The following AGBL3 variants were observed in gnomAD, a reference collection of about 807,000 sequenced individuals.
The protein encoded by AGBL3 is cytosolic carboxypeptidase 3.
AGBL3 carries 68 observed loss-of-function variants against 94.5 expected under a neutral mutation model. The ratio of observed to expected loss-of-function variants is 0.72; its 90% CI spans 0.59 to 0.88. AGBL3 has a LOEUF of 0.88. Among genes scored for constraint, AGBL3 ranks in the 40% least tolerant of loss-of-function variants. The pLI is 0.00. For missense variants in AGBL3, 934 were observed against 1,103.8 expected, an observed-to-expected ratio of 0.85 and a Z score of 2.18; for synonymous variants, 354 against 370.7, an observed-to-expected ratio of 0.95 and a Z score of 0.52.
chr7:135,082,280 A>T (rs979052313), intron 15 of AGBL3, among the ~76,000 whole-genome samples: 10 of 152,188 alleles, frequency 6.6e-5, no homozygotes, highest in Admixed American at 1.3e-4. Context: ...AAATAATTCC[A>T]ACTGACTCAT....
At chr7:135,127,602 C>T (rs1349655282) in intron 16 of AGBL3, among the ~76,000 whole-genome samples, 6 of 150,058 alleles carry the variant, frequency 4.0e-5, no homozygotes, top group Admixed American at 1.3e-4. Flanking sequence ...ATCAGAGAAA[C>T]GTAAATCAAA....
rs567473068 is a variant in AGBL3 at position 135,000,838 on chromosome 7, G to A, written c.310+7160G>A. On this transcript the variant is annotated intron_variant, in intron 4 of 16. Transcript: ENST00000436302. ...TGGTGCTCACAGGCTTTTTCCATAA[G>A]CCCCAATCTCTGGCCCATACAGGGC... 5.3e-5 allele frequency among the ~76,000 whole-genome samples: 8 copies of A among 152,204 alleles called. No homozygotes were observed. In the East Asian group the frequency reaches 1.4e-3, roughly 26 times the overall value.
At chr7:135,032,477 T>TTC (rs1173382601) in intron 5 of AGBL3, among the ~76,000 whole-genome samples, 3 of 150,576 alleles carry the variant, frequency 2.0e-5, no homozygotes, top group African/African-American at 7.3e-5. Flanking sequence ...GCTAATTTTT[T>TTC]TTTTTTTTTT....
chr7:135,076,335 C>A, intron 12 of AGBL3, 62 bp from the exon 13 acceptor site: 2 of 1,211,134 alleles, frequency 1.7e-6, no homozygotes, highest in Non-Finnish European at 2.4e-6. Flanking sequence ...AATTTCATGT[C>A]TGCATATGTA....
rs772797432 is a variant in AGBL3, at chr7:135,134,934, G to A, written c.2436G>A (p.Met812Ile). 1.4e-5 allele frequency: 21 copies of A among 1,550,970 alleles called. No homozygotes were observed. Among genetic ancestry groups the A allele is most frequent in the Middle Eastern group, 3.3e-4 (2 of 6,014 alleles). The change falls in exon 17 of 17, where the codon ATG (methionine) becomes ATA (isoleucine). Residue 812 changes from methionine to isoleucine, a missense_variant. Met to Ile is a conservative substitution (Grantham distance 10, BLOSUM62 1). Around this residue, in one of 3 missense-constraint regions of AGBL3, gnomAD observed 441 missense variants for 518.2 expected, o/e 0.85. Coordinates refer to ENST00000436302, the MANE Select transcript of AGBL3 (RefSeq NM_178563.4). The stretch of plus-strand genomic sequence containing the variant: ...CTTTTGTAATCCAAGGGGATGTTAT[G>A]GCAAACTCTTCAGAATGGGTCCAGT... Reference protein sequence around the residue: ...NHPFVIQGDVMANSSEWVQSK... With the variant: ...NHPFVIQGDVIANSSEWVQSK...
In AGBL3 at chr7:135,010,303, T is replaced by G. The variant is rs112675093; in HGVS notation, c.311-6749T>G. 9.2e-3 allele frequency: 2,372 copies of G among 259,224 alleles called. 58 individuals are homozygous for G. The highest frequency in any genetic ancestry group is 0.05 in the African/African-American group (2,113 of 42,368). 16.1% of individuals were successfully genotyped at this position (259,224 alleles called of 1,614,324 possible). On this transcript the variant is annotated intron_variant, in intron 4 of 16. Coordinates refer to ENST00000436302, the MANE Select transcript of AGBL3 (RefSeq NM_178563.4). ...AGCTTCCCAAAGTGCTGGGTTTTTT[T>G]TTGTTGTTTTTTTTTTTTTAACATT... is the stretch of plus-strand genomic sequence containing the variant.
intron 11 of AGBL3, among the ~76,000 whole-genome samples, chr7:135,054,872 C>T (rs1417245268): frequency 6.6e-6 from 1 of 152,132 alleles, no homozygotes; most frequent in African/African-American, 2.4e-5. Flanking sequence ...AACAGAATAC[C>T]TAAAACTGGG....
chr7:135,116,698 C>T (rs2348280), intron 16 of AGBL3, among the ~76,000 whole-genome samples: 73,748 of 151,988 alleles, frequency 0.49, 18,263 homozygotes, highest in South Asian at 0.66. Context: ...TTGAGATCCC[C>T]CATTATACCT....
At chr7:135,019,502 T>C (rs1292831823) in intron 5 of AGBL3, among the ~76,000 whole-genome samples, 1 of 151,906 alleles carries the variant, frequency 6.6e-6, no homozygotes, top group Non-Finnish European at 1.5e-5. Context: ...TCTAGAATCA[T>C]TTTTTTGTGA....
chr7:135,107,178 G>A (rs1252781735), intron 15 of AGBL3, among the ~76,000 whole-genome samples: 4 of 151,274 alleles, frequency 2.6e-5, no homozygotes, highest in Admixed American at 6.6e-5. Flanking sequence ...TGGATTAATC[G>A]ATATTTTCAA....
intron 15 of AGBL3, among the ~76,000 whole-genome samples, chr7:135,091,171 G>A (rs1371634265): frequency 6.6e-6 from 1 of 152,146 alleles, no homozygotes; most frequent in Admixed American, 6.5e-5. Flanking sequence ...GGGTGGTGGA[G>A]TCCTGGTGTT....
At chr7:135,023,781 C>G (rs894659545) in intron 5 of AGBL3, among the ~76,000 whole-genome samples, 6 of 152,186 alleles carry the variant, frequency 3.9e-5, no homozygotes, top group Non-Finnish European at 8.8e-5. Context: ...TCCCAAGGCC[C>G]CTGCCTAGCT....
chr7:135,018,283 T>C lies in AGBL3; in HGVS notation c.418+1124T>C, dbSNP rs1266642036. On this transcript the variant is annotated intron_variant, in intron 5 of 16. Coordinates refer to ENST00000436302, the MANE Select transcript of AGBL3 (RefSeq NM_178563.4). ...AGCTTTTAGTAAAGAAATAGACAACTGCCAACCTGTGGCACCGAAGGGAAA... is the reference window on the plus strand; with the variant it reads ...AGCTTTTAGTAAAGAAATAGACAACCGCCAACCTGTGGCACCGAAGGGAAA... 3.9e-5 allele frequency among the ~76,000 whole-genome samples: 6 copies of C among 152,316 alleles called. No homozygotes were observed. The East Asian group carries it at 9.6e-4, about 24-fold the overall frequency.
intron 16 of AGBL3, among the ~76,000 whole-genome samples, chr7:135,127,414 G>T (rs1828033310): frequency 6.6e-6 from 1 of 152,130 alleles, no homozygotes; most frequent in South Asian, 2.1e-4. Flanking sequence ...TAGCCGGGGT[G>T]TGGTGGCGCA....
intron 5 of AGBL3, among the ~76,000 whole-genome samples, chr7:135,018,621 C>A (rs1814079068): frequency 6.6e-6 from 1 of 152,176 alleles, no homozygotes; most frequent in Non-Finnish European, 1.5e-5. Flanking sequence ...TCTTGACTTA[C>A]TTGATTTTCA....
chr7:135,058,089 G>GT (rs1323132807), intron 11 of AGBL3, among the ~76,000 whole-genome samples: 2 of 152,086 alleles, frequency 1.3e-5, no homozygotes, highest in African/African-American at 2.4e-5. Flanking sequence ...TTTTAATAAT[G>GT]TATCAGTGTT....
intron 13 of AGBL3, among the ~76,000 whole-genome samples, chr7:135,077,900 A>G (rs951021332): frequency 6.6e-6 from 1 of 152,092 alleles, no homozygotes; most frequent in African/African-American, 2.4e-5. Flanking sequence ...GCTGCAACCA[A>G]TTATTATTTT....
chr7:135,048,753 GTT>G (rs55948149), intron 11 of AGBL3, among the ~76,000 whole-genome samples: 84 of 145,040 alleles, frequency 5.8e-4, no homozygotes, highest in Non-Finnish European at 1.0e-3. Flanking sequence ...TCTCACAGTT[GTT>G]TTTTTTTTTT....
intron 5 of AGBL3, among the ~76,000 whole-genome samples, chr7:135,024,358 A>G (rs1240464116): frequency 6.6e-6 from 1 of 152,236 alleles, no homozygotes; most frequent in African/African-American, 2.4e-5. Context: ...TGTGGTTTGT[A>G]GCACAAATTA....
Sources: gnomAD v4.1 joint callset for allele counts (sites outside exome capture counted in the v4.1 genomes callset) on GRCh38, gnomAD v4.1.1 for gene constraint, gnomAD v4.1.1 regional missense constraint, MANE v1.5 for transcripts, NCBI Gene and HGNC (gene_info 2026-07-23, HGNC 2026-07-21) for gene names.